Variants in ANOS1 observed in about 807,000 individuals in gnomAD.
ANOS1 encodes the protein anosmin 1.
In ANOS1, 6 loss-of-function variants were observed where a neutral mutation model predicts 59.0. The ratio of observed to expected loss-of-function variants is 0.10; its 90% CI spans 0.06 to 0.20. The LOEUF (loss-of-function observed/expected upper bound fraction) is 0.20, where lower values mean the gene tolerates loss of function less well. Among genes scored for constraint, ANOS1 ranks in the 10% least tolerant of loss-of-function variants. The pLI is 1.00. For missense variants in ANOS1, 433 were observed against 542.3 expected, an observed-to-expected ratio of 0.80 and a Z score of 2.00; for synonymous variants, 217 against 223.4, an observed-to-expected ratio of 0.97 and a Z score of 0.25.
At chrX:8,622,272 C>T (rs766223462) in intron 3 of ANOS1, among the ~76,000 whole-genome samples, 5 of 111,886 alleles carry the variant, frequency 4.5e-5, no homozygotes, top group Non-Finnish European at 9.4e-5. Flanking sequence ...GGCTTCCACA[C>T]GTAACTCTTG....
At chrX:8,578,193 T>C (rs1930361690) in intron 6 of ANOS1, among the ~76,000 whole-genome samples, 1 of 111,587 alleles carries the variant, frequency 9.0e-6, no homozygotes, top group Non-Finnish European at 1.9e-5. Flanking sequence ...TGCAGTTATA[T>C]TTTAAAAACA....
rs145479076 is a variant in ANOS1, at chrX:8,662,166, T to C, written c.255+37532A>G. Among the ~76,000 whole-genome samples, 863 of 111,628 alleles carry C rather than the reference T, an allele frequency of 7.7e-3. 9 individuals carry two copies. Among genetic ancestry groups the C allele is most frequent in the African/African-American group, 0.027 (833 of 30,739 alleles). ...ATCTCACTCCCAGCTCTGCTCTTAA[T>C]GCAGGACCCACAATTTTTGCTTTCT... On this transcript the variant is annotated intron_variant, in intron 2 of 13. Coordinates refer to ENST00000262648, the MANE Select transcript of ANOS1 (RefSeq NM_000216.4).
intron 4 of ANOS1, among the ~76,000 whole-genome samples, chrX:8,588,568 A>G (rs1930562290): frequency 8.9e-6 from 1 of 112,326 alleles, no homozygotes; most frequent in African/African-American, 3.2e-5. Flanking sequence ...TCCGCAATCA[A>G]TTGCTCAAGC....
At chrX:8,557,822 T>C (rs1263120062) in intron 8 of ANOS1, among the ~76,000 whole-genome samples, 1 of 112,075 alleles carries the variant, frequency 8.9e-6, no homozygotes, top group Non-Finnish European at 1.9e-5. Flanking sequence ...ATCTCATTAT[T>C]GGATGTATAC....
At chrX:8,667,677 A>C (rs993359383) in intron 2 of ANOS1, among the ~76,000 whole-genome samples, 2 of 111,611 alleles carry the variant, frequency 1.8e-5, no homozygotes, top group African/African-American at 3.3e-5. Flanking sequence ...ACTGGAGATA[A>C]AATATCATCA....
chrX:8,651,474 G>A (rs1931850051), intron 2 of ANOS1, among the ~76,000 whole-genome samples: 2 of 112,468 alleles, frequency 1.8e-5, no homozygotes, highest in African/African-American at 3.2e-5. Flanking sequence ...GAAAATTAAA[G>A]AGAAATCCTT....
chrX:8,715,400 G>A (rs763931550), intron 1 of ANOS1, among the ~76,000 whole-genome samples: 1 of 109,512 alleles, frequency 9.1e-6, no homozygotes, highest in African/African-American at 3.3e-5. Context: ...AAGTAGCAAG[G>A]ACAAGAGGTA....
chrX:8,712,255 G>A (rs1358252145), intron 1 of ANOS1, among the ~76,000 whole-genome samples: 1 of 112,117 alleles, frequency 8.9e-6, no homozygotes, highest in Non-Finnish European at 1.9e-5. Flanking sequence ...ATCTCTGCAT[G>A]TCTGTGTTAA....
At chrX:8,580,376 A>G (rs753024629) in intron 6 of ANOS1, among the ~76,000 whole-genome samples, 229 of 104,306 alleles carry the variant, frequency 2.2e-3, no homozygotes, top group Non-Finnish European at 3.3e-3. Flanking sequence ...TTAAAAAATT[A>G]ATGATTTTGC....
At chrX:8,601,455 C>T (rs990397717) in intron 3 of ANOS1, among the ~76,000 whole-genome samples, 6 of 111,425 alleles carry the variant, frequency 5.4e-5, no homozygotes, top group African/African-American at 2.0e-4. Context: ...GGCTATGTCT[C>T]CTTATCTTCA....
intron 8 of ANOS1, among the ~76,000 whole-genome samples, chrX:8,562,627 C>T (rs750326715): frequency 8.9e-6 from 1 of 112,014 alleles, no homozygotes; most frequent in South Asian, 3.7e-4. Context: ...ATTTTCTCTC[C>T]CATCTATTCT....
At chrX:8,625,984 C>T (rs781074658) in intron 2 of ANOS1, among the ~76,000 whole-genome samples, 18 of 107,166 alleles carry the variant, frequency 1.7e-4, no homozygotes, top group East Asian at 5.8e-4. Flanking sequence ...TGGTGGTGGG[C>T]GCCTGTAGTC....
At chrX:8,565,609 A>C (rs1449794614) in intron 8 of ANOS1, among the ~76,000 whole-genome samples, 1 of 112,616 alleles carries the variant, frequency 8.9e-6, no homozygotes, top group African/African-American at 3.2e-5. Flanking sequence ...AAGCGAAAGA[A>C]CTGGACAGAT....
chrX:8,536,117 C>A (rs1431281496), intron 11 of ANOS1, among the ~76,000 whole-genome samples: 2 of 99,769 alleles, frequency 2.0e-5, no homozygotes, highest in Non-Finnish European at 4.0e-5. Context: ...TTAACTATTT[C>A]TTAAAGAATA....
At chrX:8,583,094 C>T (rs937582853) in intron 6 of ANOS1, among the ~76,000 whole-genome samples, 19 of 107,228 alleles carry the variant, frequency 1.8e-4, no homozygotes, top group African/African-American at 6.5e-4. Context: ...AATCATTTGT[C>T]GATCACTGTG....
intron 4 of ANOS1, among the ~76,000 whole-genome samples, chrX:8,589,331 A>G (rs747029958): frequency 3.6e-5 from 4 of 111,773 alleles, no homozygotes; most frequent in African/African-American, 1.3e-4. Flanking sequence ...TTTACAATAA[A>G]TTTGTCTCAT....
chrX:8,657,973 T>C (rs1185690428), intron 2 of ANOS1, among the ~76,000 whole-genome samples: 1 of 111,189 alleles, frequency 9.0e-6, no homozygotes, highest in Non-Finnish European at 1.9e-5. Context: ...AGGGAAGCCA[T>C]GGTATTTCTC....
chrX:8,587,758 C>G (rs1385760117), intron 5 of ANOS1, 36 bp downstream of exon 5: 5 of 1,131,169 alleles, frequency 4.4e-6, no homozygotes, highest in Non-Finnish European at 6.0e-6. Flanking sequence ...GACACTACCT[C>G]CAGGATGAAA....
intron 2 of ANOS1, among the ~76,000 whole-genome samples, chrX:8,688,567 C>T (rs748171437): frequency 8.9e-6 from 1 of 112,261 alleles, no homozygotes; most frequent in South Asian, 3.7e-4. Flanking sequence ...AGAAATTAAT[C>T]GTAAGAGATT....
Sources: allele counts gnomAD v4.1 joint callset (sites outside exome capture counted in the v4.1 genomes callset), GRCh38; gene constraint gnomAD v4.1.1; transcripts MANE v1.5; gene names NCBI Gene and HGNC (gene_info 2026-07-23, HGNC 2026-07-21).